Variants in ADAMTS16 observed in about 807,000 individuals in gnomAD.
ADAMTS16 encodes the protein ADAM metallopeptidase with thrombospondin type 1 motif 16.
In ADAMTS16, 94 loss-of-function variants were observed where a neutral mutation model predicts 145.8. The ratio of observed to expected loss-of-function variants is 0.64; its 90% CI spans 0.55 to 0.77. The LOEUF (loss-of-function observed/expected upper bound fraction) is 0.77. ADAMTS16 is among the 30% of genes least tolerant of loss of function. The pLI is 0.00. For missense variants in ADAMTS16, 1,585 were observed against 1,591.5 expected (o/e 1.00, Z 0.07); for synonymous variants, 659 against 604.3 (o/e 1.09, Z -1.33).
chr5:5,249,356 A>G (rs1204301931), intron 17 of ADAMTS16, among the ~76,000 whole-genome samples: 1 of 152,098 alleles, frequency 6.6e-6, no homozygotes, highest in Non-Finnish European at 1.5e-5. Context: ...TAAGAAGTAG[A>G]TGTCTTATTA....
chr5:5,212,357 A>G (rs1239277739), intron 10 of ADAMTS16, among the ~76,000 whole-genome samples: 3 of 151,896 alleles, frequency 2.0e-5, no homozygotes, highest in Non-Finnish European at 4.4e-5. Context: ...ACAGGTGCCC[A>G]CAACCACGCC....
chr5:5,159,592 G>A (rs1348338624), intron 3 of ADAMTS16, among the ~76,000 whole-genome samples: 1 of 152,198 alleles, frequency 6.6e-6, no homozygotes, highest in Non-Finnish European at 1.5e-5. Flanking sequence ...AGTTCAAACA[G>A]AGTTAAGGAA....
At chr5:5,293,606 G>A (rs907329006) in intron 18 of ADAMTS16, among the ~76,000 whole-genome samples, 1 of 152,128 alleles carries the variant, frequency 6.6e-6, no homozygotes, top group Non-Finnish European at 1.5e-5. Flanking sequence ...TCCTGAGATC[G>A]GGAGCAACTG....
rs749191500 is a variant in ADAMTS16 at position 5,200,252 on chromosome 5, T to C, written c.1434T>C (p.Tyr478=). The C allele has an allele frequency of 1.2e-6, 2 of 1,614,038 alleles. No homozygotes were observed. Among genetic ancestry groups the C allele is most frequent in the South Asian group, 1.1e-5 (1 of 91,082 alleles). The stretch of plus-strand genomic sequence containing the variant: ...CCTGGTCACCCTGCAGCCGCCAGTA[T>C]CTACACAAATTTCTAAGGTAGGAAC... ...VFSWSPCSRQ[Y]LHKFLSTAQA... The change falls in exon 9 of 23, where the codon TAT becomes TAC. Residue 478 remains tyrosine, a synonymous_variant. Transcript: ENST00000274181.
At chr5:5,226,835 C>T (rs1736779322) in intron 11 of ADAMTS16, among the ~76,000 whole-genome samples, 1 of 152,226 alleles carries the variant, frequency 6.6e-6, no homozygotes, top group Non-Finnish European at 1.5e-5. Context: ...GAGCCTAGTG[C>T]AGTCCCCATT....
At chr5:5,254,600 T>C (rs565036032) in intron 17 of ADAMTS16, among the ~76,000 whole-genome samples, 2 of 152,248 alleles carry the variant, frequency 1.3e-5, no homozygotes, top group East Asian at 3.9e-4. Context: ...AATATTTTTA[T>C]AAAAAATAGA....
intron 17 of ADAMTS16, among the ~76,000 whole-genome samples, chr5:5,254,011 C>T (rs971593477): frequency 2.0e-5 from 3 of 152,206 alleles, no homozygotes; most frequent in Admixed American, 6.5e-5. Flanking sequence ...TCTGTTCTCT[C>T]GTCAGTCCTA....
chr5:5,251,917 C>T (rs531997833), intron 17 of ADAMTS16, among the ~76,000 whole-genome samples: 160 of 152,120 alleles, frequency 1.1e-3, no homozygotes, highest in African/African-American at 3.7e-3. Flanking sequence ...AGTGCAGTGG[C>T]GCGACCTCGG....
chr5:5,158,428 A>G (rs937035357), intron 3 of ADAMTS16, among the ~76,000 whole-genome samples: 1 of 152,182 alleles, frequency 6.6e-6, no homozygotes, highest in African/African-American at 2.4e-5. Context: ...CTGTATCTAC[A>G]GAGGGAGTGC....
rs1440725710 is a variant in ADAMTS16 at position 5,232,496 on chromosome 5, T to C, written c.1830T>C (p.Ser610=). 6.2e-7 allele frequency: 1 copy of C among 1,612,800 alleles called. No homozygotes were observed. Among genetic ancestry groups the C allele is most frequent in the East Asian group, 2.2e-5 (1 of 44,840 alleles). Residue 610 remains serine (S), a synonymous_variant, in exon 12 of 23, where the codon AGT becomes AGC. Coordinates refer to ENST00000274181, the MANE Select transcript of ADAMTS16 (RefSeq NM_139056.4). ...RTCGGGVSHR[S]RLCTNPKPSH... ...GCGGAGGGGGAGTATCTCATAGGAGTCGCCTCTGCACCAACCCCAAGTAAG... is the reference window on the plus strand; with the variant it reads ...GCGGAGGGGGAGTATCTCATAGGAGCCGCCTCTGCACCAACCCCAAGTAAG...
intron 14 of ADAMTS16, among the ~76,000 whole-genome samples, chr5:5,237,333 G>A (rs750390801): frequency 6.6e-6 from 1 of 152,154 alleles, no homozygotes; most frequent in Non-Finnish European, 1.5e-5. Flanking sequence ...ATATGGGTCT[G>A]GGACATTCGT....
intron 18 of ADAMTS16, among the ~76,000 whole-genome samples, chr5:5,291,024 C>T (rs996221152): frequency 8.5e-5 from 13 of 152,170 alleles, no homozygotes; most frequent in Non-Finnish European, 1.2e-4. Flanking sequence ...ATTCTTTCAA[C>T]CTCCCCATTC....
intron 11 of ADAMTS16, among the ~76,000 whole-genome samples, chr5:5,230,085 C>T (rs561718225): frequency 3.3e-5 from 5 of 152,266 alleles, no homozygotes; most frequent in Middle Eastern, 3.4e-3. Context: ...TGCCTTAGAT[C>T]CAATTGCCTG....
rs1330158539 is a variant in ADAMTS16, at chr5:5,209,577, A to G, written c.1605+331A>G. ...ACTCTGCATTTTTTTAAATGATTTTAAAAAAACGAAGTCCCCCTCCTCTCT... is the reference window on the plus strand; with the variant it reads ...ACTCTGCATTTTTTTAAATGATTTTGAAAAAACGAAGTCCCCCTCCTCTCT... On this transcript the variant is annotated intron_variant, in intron 10 of 22. Coordinates refer to ENST00000274181, the MANE Select transcript of ADAMTS16 (RefSeq NM_139056.4). Among the ~76,000 whole-genome samples, 7 of 152,236 alleles carry G rather than the reference A, an allele frequency of 4.6e-5. No homozygotes were observed. The East Asian group carries it at 7.7e-4, about 17-fold the overall frequency.
In ADAMTS16 at chr5:5,239,196, G is replaced by A. The variant is rs68077031; in HGVS notation, c.2200G>A (p.Val734Ile). 20,133 of 1,600,186 alleles carry A rather than the reference G, an allele frequency of 0.013. 160 individuals carry two copies. Among genetic ancestry groups the A allele is most frequent in the Non-Finnish European group, 0.016 (18,456 of 1,174,058 alleles). The change falls in exon 15 of 23, where the codon GTC becomes ATC. Residue 734 changes from valine (V) to isoleucine (I), a missense_variant. Physicochemically the swap from Val to Ile is conservative, Grantham distance 29. Transcript: ENST00000274181. ...CCTTGGATCTGATGCTGTTGAAGAC[G>A]TCTGTGGGGTGTGTAACGGGAATAA... Reference protein sequence around the residue: ...NVLGSDAVEDVCGVCNGNNSA... With the variant: ...NVLGSDAVEDICGVCNGNNSA...
chr5:5,309,164 C>A (rs1164661529), intron 21 of ADAMTS16, among the ~76,000 whole-genome samples: 1 of 152,162 alleles, frequency 6.6e-6, no homozygotes, highest in Non-Finnish European at 1.5e-5. Flanking sequence ...TGAGGATGCA[C>A]AAGTTCCTGA....
At chr5:5,313,017 A>T (rs140346923) in intron 21 of ADAMTS16, among the ~76,000 whole-genome samples, 3 of 152,348 alleles carry the variant, frequency 2.0e-5, no homozygotes, top group Non-Finnish European at 2.9e-5. Context: ...AAGCTTTATC[A>T]TTATTTAACG....
intron 3 of ADAMTS16, among the ~76,000 whole-genome samples, chr5:5,165,535 C>T (rs1432505278): frequency 6.6e-6 from 1 of 152,162 alleles, no homozygotes; most frequent in African/African-American, 2.4e-5. Context: ...AAGAGAAGAA[C>T]TATTAATATT....
intron 13 of ADAMTS16, among the ~76,000 whole-genome samples, chr5:5,236,479 A>G (rs771716384): frequency 6.6e-6 from 1 of 152,174 alleles, no homozygotes; most frequent in Non-Finnish European, 1.5e-5. Flanking sequence ...TGTTCTCGAG[A>G]CTTCATCTAA....
Sources: gnomAD v4.1 joint callset for allele counts (sites outside exome capture counted in the v4.1 genomes callset) on GRCh38, gnomAD v4.1.1 for gene constraint, MANE v1.5 for transcripts, NCBI Gene and HGNC (gene_info 2026-07-23, HGNC 2026-07-21) for gene names.